The following ENPP1 variants were observed in gnomAD, a reference collection of about 807,000 sequenced individuals.
ENPP1 encodes the protein ectonucleotide pyrophosphatase/phosphodiesterase 1, also known as ectonucleotide pyrophosphatase/phosphodiesterase family member 1.
A neutral mutation model predicts 122.8 loss-of-function variants in ENPP1; 73 were observed. That is an observed-to-expected ratio of 0.59 (90% CI 0.49 to 0.72). The LOEUF (loss-of-function observed/expected upper bound fraction) is 0.72. ENPP1 is among the 30% of genes least tolerant of loss of function. ENPP1 has a pLI of 0.00. For missense variants in ENPP1, 978 were observed against 1,128.1 expected (o/e 0.87, Z 1.91); for synonymous variants, 367 against 391.6 (o/e 0.94, Z 0.74).
At chr6:131,880,189 T>G (rs1046532132) in intron 20 of ENPP1, among the ~76,000 whole-genome samples, 155 bp downstream of exon 20, 1 of 152,134 alleles carries the variant, frequency 6.6e-6, no homozygotes, top group Non-Finnish European at 1.5e-5. Flanking sequence ...CAGTTCCAGT[T>G]CAAGCTCTGC....
At chr6:131,849,159 A>G (rs545835610) in intron 2 of ENPP1, among the ~76,000 whole-genome samples, 4 of 152,164 alleles carry the variant, frequency 2.6e-5, no homozygotes, top group South Asian at 2.1e-4. Flanking sequence ...CTTTCCTCCC[A>G]TGTCTACCAT....
At chr6:131,879,310 A>G (rs540764655) in intron 19 of ENPP1, among the ~76,000 whole-genome samples, 4 of 152,350 alleles carry the variant, frequency 2.6e-5, no homozygotes, top group African/African-American at 9.6e-5. Flanking sequence ...CTATATGTTC[A>G]TGGAAATAGT....
At chr6:131,841,494 G>T (rs1781740398) in intron 1 of ENPP1, among the ~76,000 whole-genome samples, 1 of 152,198 alleles carries the variant, frequency 6.6e-6, no homozygotes, top group South Asian at 2.1e-4. Flanking sequence ...TATATTTGTT[G>T]TAGGTATCTT....
At chr6:131,849,000 TTTG>T (rs1030884122) in intron 2 of ENPP1, among the ~76,000 whole-genome samples, 21 of 152,306 alleles carry the variant, frequency 1.4e-4, no homozygotes, top group African/African-American at 5.1e-4. Flanking sequence ...TTATTTCTTT[TTTG>T]TTGTTGTTGG....
chr6:131,823,587 C>T (rs975683309), intron 1 of ENPP1, among the ~76,000 whole-genome samples: 2 of 151,946 alleles, frequency 1.3e-5, no homozygotes, highest in Non-Finnish European at 1.5e-5. Context: ...TCTACCCCAC[C>T]GTGATTTTTT....
At chr6:131,859,601 G>GT (rs1280175243) in intron 7 of ENPP1, among the ~76,000 whole-genome samples, 8 of 88,608 alleles carry the variant, frequency 9.0e-5, no homozygotes, top group Non-Finnish European at 1.8e-4. Flanking sequence ...CCCGGACCTA[G>GT]GGGCGGATGG....
chr6:131,885,764 C>G (rs1484828943), intron 23 of ENPP1, among the ~76,000 whole-genome samples: 1 of 152,144 alleles, frequency 6.6e-6, no homozygotes, highest in Non-Finnish European at 1.5e-5. Context: ...CAAAATACAT[C>G]AGAAAGCACA....
At chr6:131,812,718 A>G (rs1172533548) in intron 1 of ENPP1, among the ~76,000 whole-genome samples, 1 of 152,224 alleles carries the variant, frequency 6.6e-6, no homozygotes, top group African/African-American at 2.4e-5. Flanking sequence ...GTGTTTTTAT[A>G]TATTTCAGGG....
chr6:131,882,738 T>A (rs1327721765), intron 21 of ENPP1, among the ~76,000 whole-genome samples: 1 of 150,558 alleles, frequency 6.6e-6, no homozygotes, highest in Non-Finnish European at 1.5e-5. Flanking sequence ...AGGGAAAAAT[T>A]TTAATCATCT....
At chr6:131,882,858 T>C (rs1236465328) in intron 21 of ENPP1, among the ~76,000 whole-genome samples, 1 of 151,716 alleles carries the variant, frequency 6.6e-6, no homozygotes, top group East Asian at 1.9e-4. Flanking sequence ...TTTAAACAAT[T>C]TGAGAATATT....
chr6:131,844,228 A>T (rs181963345), intron 1 of ENPP1, among the ~76,000 whole-genome samples: 18 of 152,354 alleles, frequency 1.2e-4, no homozygotes, highest in Non-Finnish European at 1.5e-5. Flanking sequence ...TGATTCTCTG[A>T]CATGCACAAA....
At chr6:131,828,025 G>T in intron 1 of ENPP1, 2 of 678,982 alleles carry the variant, frequency 2.9e-6, no homozygotes, top group South Asian at 2.7e-5. Flanking sequence ...AGGCTGCAAA[G>T]AACAGTGTGT....
intron 1 of ENPP1, among the ~76,000 whole-genome samples, chr6:131,846,764 C>A (rs1243811246): frequency 6.6e-6 from 1 of 152,176 alleles, no homozygotes; most frequent in Non-Finnish European, 1.5e-5. Context: ...GCCCTGTAAT[C>A]TGACATTCCA....
At chr6:131,819,761 A>G (rs1463804595) in intron 1 of ENPP1, 6 of 308,090 alleles carry the variant, frequency 1.9e-5, no homozygotes, top group Middle Eastern at 1.1e-3. Context: ...TCTTTCTGCT[A>G]TGAATATGCA....
intron 17 of ENPP1, among the ~76,000 whole-genome samples, chr6:131,876,109 C>T (rs775218376): frequency 3.9e-5 from 6 of 152,170 alleles, no homozygotes; most frequent in Non-Finnish European, 7.4e-5. Context: ...GGTCTGCACA[C>T]CCCCACTGCC....
chr6:131,884,850 G>A lies in ENPP1; in HGVS notation c.2312-81G>A. 3.4e-6 allele frequency: 5 copies of A among 1,456,936 alleles called. No individual in the cohort carries two copies. In the South Asian group the frequency reaches 5.7e-5, roughly 17 times the overall value. 90.3% of individuals were successfully genotyped at this position (1,456,936 alleles called of 1,614,324 possible). A position where few individuals can be genotyped will look rare whatever the true frequency, so the allele number is the denominator to read the frequency against. ...TTTATTTACTATAAATGCTAATTTT[G>A]AATCATGGTGTTAATTTATTTCACA... On this transcript the variant is annotated intron_variant, in intron 22 of 24. Coordinates refer to ENST00000647893, the MANE Select transcript of ENPP1 (RefSeq NM_006208.3).
chr6:131,829,659 A>G (rs948091417), intron 1 of ENPP1, among the ~76,000 whole-genome samples: 1 of 152,238 alleles, frequency 6.6e-6, no homozygotes, highest in Non-Finnish European at 1.5e-5. Flanking sequence ...AAGTGTTAGA[A>G]GAGCTAACGG....
At chr6:131,886,014 T>C (rs1236367163) in intron 23 of ENPP1, among the ~76,000 whole-genome samples, 1 of 152,186 alleles carries the variant, frequency 6.6e-6, no homozygotes, top group African/African-American at 2.4e-5. Context: ...AGCCTTAAAA[T>C]AGGAGAATGA....
At chr6:131,833,108 T>C (rs1781633871) in intron 1 of ENPP1, among the ~76,000 whole-genome samples, 1 of 152,244 alleles carries the variant, frequency 6.6e-6, no homozygotes, top group South Asian at 2.1e-4. Flanking sequence ...GTGGTAAATA[T>C]GCACACTTTG....
Sources: allele counts gnomAD v4.1 joint callset (sites outside exome capture counted in the v4.1 genomes callset), GRCh38; gene constraint gnomAD v4.1.1; transcripts MANE v1.5; gene names NCBI Gene and HGNC (gene_info 2026-07-23, HGNC 2026-07-21).